Variants in KIAA1958 observed in about 807,000 individuals in gnomAD.
The protein encoded by KIAA1958 is KIAA1958, also known as uncharacterized protein KIAA1958.
In KIAA1958, 14 loss-of-function variants were observed where a neutral mutation model predicts 47.2. The ratio of observed to expected loss-of-function variants is 0.30; its 90% CI spans 0.20 to 0.46. KIAA1958 has a LOEUF of 0.46. KIAA1958 is among the 20% of genes least tolerant of loss of function. KIAA1958 has a pLI of 1.00. For missense variants in KIAA1958, 803 were observed against 909.2 expected (o/e 0.88, Z 1.50); for synonymous variants, 354 against 353.3 (o/e 1.00, Z -0.02).
chr9:112,624,401 T>C (rs561762371), intron 2 of KIAA1958, among the ~76,000 whole-genome samples: 1 of 152,334 alleles, frequency 6.6e-6, no homozygotes, highest in Non-Finnish European at 1.5e-5. Flanking sequence ...ATTGAGTGCA[T>C]AGCCTTTCAT....
At chr9:112,521,366 C>G (rs977288120) in intron 1 of KIAA1958, among the ~76,000 whole-genome samples, 1 of 152,124 alleles carries the variant, frequency 6.6e-6, no homozygotes, top group Non-Finnish European at 1.5e-5. Context: ...GTGTGTGCCA[C>G]TATGCCCGGC....
chr9:112,555,159 C>T (rs970472256), intron 1 of KIAA1958, among the ~76,000 whole-genome samples: 4 of 152,160 alleles, frequency 2.6e-5, no homozygotes, highest in African/African-American at 9.7e-5. Context: ...AGACTGTCCC[C>T]AAACTGGAGC....
At chr9:112,507,293 A>G (rs946708726) in intron 1 of KIAA1958, among the ~76,000 whole-genome samples, 2 of 152,190 alleles carry the variant, frequency 1.3e-5, no homozygotes, top group African/African-American at 2.4e-5. Flanking sequence ...TCATATGCAT[A>G]TAAGAATGTT....
intron 2 of KIAA1958, among the ~76,000 whole-genome samples, chr9:112,599,141 A>G (rs892620967): frequency 1.3e-5 from 2 of 152,218 alleles, no homozygotes; most frequent in Non-Finnish European, 2.9e-5. Flanking sequence ...AGTACTTCCA[A>G]TGGCTATCTT....
At chr9:112,508,385 A>G (rs1277702280) in intron 1 of KIAA1958, among the ~76,000 whole-genome samples, 1 of 152,260 alleles carries the variant, frequency 6.6e-6, no homozygotes, top group African/African-American at 2.4e-5. Flanking sequence ...GGAAAAATTA[A>G]AAAGCTTAAA....
chr9:112,601,532 G>T (rs1430723256), intron 2 of KIAA1958, among the ~76,000 whole-genome samples: 1 of 152,088 alleles, frequency 6.6e-6, no homozygotes, highest in Non-Finnish European at 1.5e-5. Flanking sequence ...CTCCTCCTTT[G>T]ACCATAAGTT....
chr9:112,624,684 T>A (rs10739368), intron 2 of KIAA1958, among the ~76,000 whole-genome samples: 77,341 of 151,918 alleles, frequency 0.51, 20,025 homozygotes, highest in Non-Finnish European at 0.56. Flanking sequence ...GCTTGAAAAA[T>A]TTTTTTTAAT....
At chr9:112,616,942 T>TA (rs1256575522) in intron 2 of KIAA1958, among the ~76,000 whole-genome samples, 2 of 152,220 alleles carry the variant, frequency 1.3e-5, no homozygotes, top group Admixed American at 1.3e-4. Context: ...CTGGTTAAGA[T>TA]ACAGATTCCT....
Position 112,574,116 on chromosome 9 carries a change from G to A in KIAA1958, c.36G>A (p.Leu12=), listed in dbSNP as rs770257330. The part of the protein sequence containing the change: ...EDCLHTSSEN[L]SKLVSWAHSH... The stretch of plus-strand genomic sequence containing the variant: ...GTCTTCATACCTCATCTGAGAATCT[G>A]TCCAAATTGGTCAGCTGGGCCCATA... The change falls in exon 2 of 4, where the codon CTG becomes CTA. Residue 12 remains leucine, a synonymous_variant. Transcript: ENST00000337530. 1.2e-6 allele frequency: 2 copies of A among 1,607,986 alleles called. No homozygotes were observed. Among genetic ancestry groups the A allele is most frequent in the Non-Finnish European group, 1.7e-6 (2 of 1,176,242 alleles).
At chr9:112,493,084 G>A (rs922954586) in intron 1 of KIAA1958, among the ~76,000 whole-genome samples, 3 of 152,148 alleles carry the variant, frequency 2.0e-5, no homozygotes, top group Admixed American at 1.3e-4. Flanking sequence ...GAATACTGGA[G>A]AATATTATTG....
intron 1 of KIAA1958, among the ~76,000 whole-genome samples, chr9:112,571,334 A>G (rs562044130): frequency 6.6e-6 from 1 of 152,204 alleles, no homozygotes; most frequent in Admixed American, 6.5e-5. Context: ...TCCACCTAAC[A>G]TGATGTAGCT....
chr9:112,532,128 G>T (rs1261913471), intron 1 of KIAA1958, among the ~76,000 whole-genome samples: 1 of 152,122 alleles, frequency 6.6e-6, no homozygotes, highest in Non-Finnish European at 1.5e-5. Flanking sequence ...TGAGGGGGAG[G>T]TGAATTGAGT....
intron 2 of KIAA1958, among the ~76,000 whole-genome samples, chr9:112,597,034 A>G (rs944152645): frequency 1.3e-5 from 2 of 152,028 alleles, no homozygotes; most frequent in African/African-American, 4.8e-5. Flanking sequence ...AATTCATCAG[A>G]TGTTATCTCT....
intron 1 of KIAA1958, among the ~76,000 whole-genome samples, chr9:112,540,441 CTA>C (rs917533101): frequency 1.3e-5 from 2 of 152,128 alleles, no homozygotes; most frequent in African/African-American, 4.8e-5. Flanking sequence ...ATTGTTGACT[CTA>C]TGTGGGGGTT....
chr9:112,533,595 A>G, intron 1 of KIAA1958, among the ~76,000 whole-genome samples: 1 of 151,430 alleles, frequency 6.6e-6, no homozygotes, highest in African/African-American at 2.4e-5. Flanking sequence ...AAAAAAAAAA[A>G]AAAAAAAAAA....
Position 112,605,423 on chromosome 9 carries a change from T to TCA in KIAA1958, c.1171+30172_1171+30173insCA, listed in dbSNP as rs56720561. ...CTGAGGTAATTGAGGTTATGGATCATTTCGTTTTCTGAGAATATTTCATAC... is the reference window on the plus strand; with the variant it reads ...CTGAGGTAATTGAGGTTATGGATCATCATTCGTTTTCTGAGAATATTTCATAC... On this transcript the variant is annotated intron_variant, in intron 2 of 3. Coordinates refer to ENST00000337530, the MANE Select transcript of KIAA1958 (RefSeq NM_133465.4). 7.8e-3 allele frequency among the ~76,000 whole-genome samples: 1,183 copies of TCA among 152,268 alleles called. 13 individuals are homozygous for TCA. The highest frequency in any genetic ancestry group is 0.022 in the African/African-American group (916 of 41,554).
At chr9:112,651,152 G>T (rs1837049117) in intron 3 of KIAA1958, among the ~76,000 whole-genome samples, 2 of 152,026 alleles carry the variant, frequency 1.3e-5, no homozygotes, top group African/African-American at 4.8e-5. Flanking sequence ...AGGACTTAAC[G>T]CTGTCAAACT....
In KIAA1958 at chr9:112,667,074, C is replaced by T. The variant is rs1392032110; in HGVS notation, c.*7005C>T. On this transcript the variant is annotated 3_prime_UTR_variant, in exon 4 of 4. Coordinates refer to ENST00000337530, the MANE Select transcript of KIAA1958 (RefSeq NM_133465.4). ...TATGTATGATGTTGGGTTCAGAGAC[C>T]CATAAAATCAGGCAATAGGAAGGAA... 1 of 152,014 alleles carries T rather than the reference C, an allele frequency of 6.6e-6. No individual in the cohort carries two copies. Among genetic ancestry groups the T allele is most frequent in the African/African-American group, 2.4e-5 (1 of 41,372 alleles). The allele number at this position is 152,014 out of a possible 1,614,324, so 9.4% of individuals were successfully genotyped here. A position where few individuals can be genotyped will look rare whatever the true frequency, so the allele number is the denominator to read the frequency against.
At chr9:112,556,240 C>T (rs1324887460) in intron 1 of KIAA1958, among the ~76,000 whole-genome samples, 2 of 152,124 alleles carry the variant, frequency 1.3e-5, no homozygotes, top group Non-Finnish European at 2.9e-5. Flanking sequence ...AATTTCTGTC[C>T]CTGTTACCTG....
Sources: gnomAD v4.1 joint callset for allele counts (sites outside exome capture counted in the v4.1 genomes callset) on GRCh38, gnomAD v4.1.1 for gene constraint, MANE v1.5 for transcripts, NCBI Gene and HGNC (gene_info 2026-07-23, HGNC 2026-07-21) for gene names.